The following GRK7 variants were observed in gnomAD, a reference collection of about 807,000 sequenced individuals.
GRK7 encodes the protein rhodopsin kinase GRK7.
A neutral mutation model predicts 34.1 loss-of-function variants in GRK7; 24 were observed. The ratio of observed to expected loss-of-function variants is 0.70; its 90% confidence interval spans 0.51 to 0.99. GRK7 has a LOEUF of 0.99. GRK7 is among the 50% of genes least tolerant of loss of function. The probability of loss-of-function intolerance (pLI) is 0.00; values close to 1 mark genes in which losing one functional copy is unlikely to be tolerated. For missense variants in GRK7, 644 were observed against 707.3 expected (o/e 0.91, Z 1.02); for synonymous variants, 256 against 279.4 (o/e 0.92, Z 0.84).
intron 5 of GRK7, among the ~76,000 whole-genome samples, chr3:141,811,555 G>C (rs932551052): frequency 2.6e-5 from 4 of 152,098 alleles, no homozygotes; most frequent in African/African-American, 7.2e-5. Flanking sequence ...TACAACATTA[G>C]AGGAAAGGCA....
chr3:141,817,196 T>C lies in GRK7; in HGVS notation c.*146T>C, dbSNP rs1711164330. 1 of 563,974 alleles carries C rather than the reference T, an allele frequency of 1.8e-6. No homozygotes were observed. 34.9% of individuals were successfully genotyped at this position (563,974 alleles called of 1,614,324 possible). A position where few individuals can be genotyped will look rare whatever the true frequency, so the allele number is the denominator to read the frequency against. ...CAATTCAAAAGACAGGCAAGCTCAC[T>C]ACTAGAACACATTTTATTTTCTTTT... On this transcript the variant is annotated 3_prime_UTR_variant, in exon 6 of 6. Transcript: ENST00000682958.
the GRK7 span, among the ~76,000 whole-genome samples, chr3:141,750,136 T>G: frequency 2.0e-5 from 3 of 152,190 alleles, no homozygotes; most frequent in Non-Finnish European, 4.4e-5. Context: ...GTAATTGCGG[T>G]TTTTTTGCCA....
chr3:141,775,170 AG>A (rs1392900824), intron 2 of GRK7, among the ~76,000 whole-genome samples: 1 of 152,106 alleles, frequency 6.6e-6, no homozygotes, highest in East Asian at 2.0e-4. Context: ...GAGGCCAAGG[AG>A]GGCGGATCAC....
chr3:141,780,900 T>C, intron 4 of GRK7, 89 bp downstream of exon 4: 1 of 1,181,678 alleles, frequency 8.5e-7, no homozygotes, highest in Non-Finnish European at 1.2e-6. Context: ...AAATAGAGCC[T>C]TGGACTTAAT....
At chr3:141,814,886 T>C (rs983557938) in intron 5 of GRK7, among the ~76,000 whole-genome samples, 5 of 151,872 alleles carry the variant, frequency 3.3e-5, no homozygotes, top group Non-Finnish European at 5.9e-5. Context: ...CCAATATCTG[T>C]TTTTGTTTGT....
In GRK7 at chr3:141,763,692, T is replaced by A. The variant is rs1231253908; in HGVS notation, c.-2261T>A. On this transcript the variant is annotated 5_prime_UTR_variant, in exon 1 of 6. Transcript: ENST00000682958. The stretch of plus-strand genomic sequence containing the variant: ...CATCCTGCCCTTTATCCTAGTTAGA[T>A]ACCTCAACACAAGAAACCCAGTTTT... Among the ~76,000 whole-genome samples, 1 of 152,158 alleles carries A rather than the reference T, an allele frequency of 6.6e-6. No homozygotes were observed. Among genetic ancestry groups the A allele is most frequent in the East Asian group, 1.9e-4 (1 of 5,186 alleles).
chr3:141,775,371 C>T (rs2084634505), intron 2 of GRK7, among the ~76,000 whole-genome samples: 1 of 151,650 alleles, frequency 6.6e-6, no homozygotes, highest in Non-Finnish European at 1.5e-5. Context: ...TGGGCGACGA[C>T]AGAGTGACAG....
At chr3:141,781,553 G>C (rs2084672630) in intron 4 of GRK7, among the ~76,000 whole-genome samples, 1 of 146,948 alleles carries the variant, frequency 6.8e-6, no homozygotes, top group African/African-American at 2.5e-5. Context: ...AAAAAAGAAA[G>C]AAAGAAAAAG....
chr3:141,797,131 T>C (rs1038295982), intron 4 of GRK7, among the ~76,000 whole-genome samples: 4 of 152,192 alleles, frequency 2.6e-5, no homozygotes, highest in African/African-American at 4.8e-5. Flanking sequence ...AAAAGTGTTA[T>C]TGTGACGACC....
the GRK7 span, among the ~76,000 whole-genome samples, chr3:141,754,096 T>G: frequency 3.9e-5 from 6 of 152,238 alleles, no homozygotes; most frequent in Admixed American, 3.9e-4. Flanking sequence ...CAAACACTAG[T>G]GAATCAGCTG....
Position 141,778,010 on chromosome 3 carries a change from G to A in GRK7, c.-113-162G>A. On this transcript the variant is annotated intron_variant, in intron 2 of 5. Transcript: ENST00000682958. The surrounding 1 kb of genome is among the most constrained non-coding windows in gnomAD (Gnocchi z 4.1). Reference sequence around the variant, plus strand: ...TGTGGAGAAAGACCCTAAGATGAAGGGACCAGTGGGGGAGGTGGCCCCGGC... The same window carrying A: ...TGTGGAGAAAGACCCTAAGATGAAGAGACCAGTGGGGGAGGTGGCCCCGGC... The A allele has an allele frequency of 2.2e-6, 1 of 463,136 alleles. No individual in the cohort carries two copies. The highest frequency in any genetic ancestry group is 3.5e-5 in the East Asian group (1 of 28,416). The allele number at this position is 463,136 out of a possible 1,614,324, so 28.7% of individuals were successfully genotyped here. A position where few individuals can be genotyped will look rare whatever the true frequency, so the allele number is the denominator to read the frequency against.
intron 5 of GRK7, among the ~76,000 whole-genome samples, chr3:141,816,056 G>A (rs1392316068): frequency 3.3e-5 from 5 of 152,118 alleles, no homozygotes; most frequent in Admixed American, 3.3e-4. Flanking sequence ...TAAATTAATA[G>A]TAGAGGTTAC....
the GRK7 span, among the ~76,000 whole-genome samples, chr3:141,757,125 TCTTCTTTTTTTTTTTTTTTTTC>T: frequency 8.0e-6 from 1 of 125,458 alleles, no homozygotes; most frequent in East Asian, 2.3e-4. Flanking sequence ...GCTTAGATCT[TCTTCTTTTTTTTTTTTTTTTTC>T]TTTTTTTTTT....
At chr3:141,810,587 T>A (rs1454670483) in intron 5 of GRK7, among the ~76,000 whole-genome samples, 1 of 152,150 alleles carries the variant, frequency 6.6e-6, no homozygotes, top group African/African-American at 2.4e-5. Flanking sequence ...CAATCTTGGC[T>A]CACTGCAATC....
upstream of GRK7, among the ~76,000 whole-genome samples, chr3:141,760,216 A>G (rs1241264250): frequency 3.6e-5 from 5 of 140,382 alleles, no homozygotes; most frequent in Non-Finnish European, 7.8e-5. Context: ...TAGGGTGTCA[A>G]TTTTGGATCT....
At chr3:141,788,588 G>A (rs935656353) in intron 4 of GRK7, among the ~76,000 whole-genome samples, 1 of 152,156 alleles carries the variant, frequency 6.6e-6, no homozygotes, top group African/African-American at 2.4e-5. Flanking sequence ...GCTGGTAGCT[G>A]GGTAGTGACT....
intron 4 of GRK7, among the ~76,000 whole-genome samples, chr3:141,800,904 G>A (rs4683409): frequency 0.66 from 100,137 of 152,060 alleles, 33,182 homozygotes; most frequent in Middle Eastern, 0.78. Context: ...TGAGCTGAAT[G>A]TCTAAGAACT....
intron 4 of GRK7, among the ~76,000 whole-genome samples, chr3:141,792,411 A>C (rs1225925500): frequency 6.6e-6 from 1 of 152,076 alleles, no homozygotes; most frequent in Admixed American, 6.5e-5. Context: ...CTCAAAAAAA[A>C]AAAAAAAAGG....
chr3:141,794,319 C>T (rs2084739425), intron 4 of GRK7, among the ~76,000 whole-genome samples: 3 of 152,212 alleles, frequency 2.0e-5, no homozygotes, highest in Admixed American at 2.0e-4. Flanking sequence ...GCACCAGCAG[C>T]TGGAGGGTGG....
Sources: gnomAD v4.1 joint callset for allele counts (sites outside exome capture counted in the v4.1 genomes callset) on GRCh38, gnomAD v4.1.1 for gene constraint, Gnocchi (gnomAD v3.1) non-coding constraint, MANE v1.5 for transcripts, NCBI Gene and HGNC (gene_info 2026-07-23, HGNC 2026-07-21) for gene names.